Variants in AMPH observed in about 807,000 individuals in gnomAD.
AMPH encodes amphiphysin.
In AMPH, 49 loss-of-function variants were observed where a neutral mutation model predicts 99.1. That is an observed-to-expected ratio of 0.49 (90% confidence interval 0.39 to 0.63). The LOEUF (loss-of-function observed/expected upper bound fraction) is 0.63, where lower values mean the gene tolerates loss of function less well. Among genes scored for constraint, AMPH ranks in the 20% least tolerant of loss-of-function variants. AMPH has a pLI of 0.00. For missense variants in AMPH, 759 were observed against 863.4 expected (o/e 0.88, Z 1.52); for synonymous variants, 314 against 317.3 (o/e 0.99, Z 0.11).
chr7:38,623,505 G>GA (rs1030919376), intron 1 of AMPH, among the ~76,000 whole-genome samples: 3 of 152,158 alleles, frequency 2.0e-5, no homozygotes, highest in African/African-American at 7.2e-5. Flanking sequence ...TACAGCCAGA[G>GA]AAAATAACCC....
intron 6 of AMPH, among the ~76,000 whole-genome samples, chr7:38,475,787 G>C (rs1283498782): frequency 6.6e-6 from 1 of 152,184 alleles, no homozygotes. Context: ...ATTTACAAAA[G>C]GGACTTACAA....
chr7:38,595,182 G>C (rs1793008059), intron 1 of AMPH, among the ~76,000 whole-genome samples: 1 of 152,106 alleles, frequency 6.6e-6, no homozygotes, highest in Non-Finnish European at 1.5e-5. Context: ...CCTGCTTTGG[G>C]GACACAAGCA....
chr7:38,488,630 T>C (rs1193726217), intron 5 of AMPH, among the ~76,000 whole-genome samples: 1 of 152,158 alleles, frequency 6.6e-6, no homozygotes, highest in Non-Finnish European at 1.5e-5. Flanking sequence ...GTAACAAACC[T>C]GCACATTCTG....
chr7:38,508,904 CTTGA>C (rs1789434147), intron 2 of AMPH, among the ~76,000 whole-genome samples: 3 of 152,142 alleles, frequency 2.0e-5, no homozygotes, highest in Admixed American at 1.3e-4. Flanking sequence ...TAATCAGCAC[CTTGA>C]TTAACAGATG....
In AMPH at chr7:38,625,516, T is replaced by A. The variant is rs572938042; in HGVS notation, c.69+5767A>T. ...ACTGCCACTCATCAAAGGGTACCAC[T>A]AAGAAAGTAAAAAAGCAAGGCACTG... On this transcript the variant is annotated intron_variant, in intron 1 of 20. Coordinates refer to ENST00000356264, the MANE Select transcript of AMPH (RefSeq NM_001635.4). Among the ~76,000 whole-genome samples the A allele has an allele frequency of 2.6e-5, 4 of 152,178 alleles. No homozygotes were observed. The South Asian group carries it at 8.3e-4, about 32-fold the overall frequency.
chr7:38,532,889 C>T (rs1330517755), intron 2 of AMPH, among the ~76,000 whole-genome samples: 1 of 152,160 alleles, frequency 6.6e-6, no homozygotes, highest in African/African-American at 2.4e-5. Context: ...GAGAAAAACT[C>T]CAAGAGCAAA....
At chr7:38,624,497 C>A (rs549183531) in intron 1 of AMPH, among the ~76,000 whole-genome samples, 2 of 150,548 alleles carry the variant, frequency 1.3e-5, no homozygotes, top group Non-Finnish European at 2.9e-5. Context: ...CCGGTTCAAG[C>A]GATTCTTCTG....
chr7:38,518,967 C>T lies in AMPH; in HGVS notation c.151-15263G>A, dbSNP rs371573309. 1.2e-4 allele frequency among the ~76,000 whole-genome samples: 18 copies of T among 152,300 alleles called. No individual in the cohort carries two copies. In the South Asian group the frequency reaches 3.1e-3, roughly 26 times the overall value. On this transcript the variant is annotated intron_variant, in intron 2 of 20. Transcript: ENST00000356264. ...ATCTTTAAGAGATGATTAGGTCATG[C>T]GGGTTTCACGCTCATAAATGGATTA...
At chr7:38,504,481 T>C (rs1275597136) in intron 2 of AMPH, among the ~76,000 whole-genome samples, 4 of 152,068 alleles carry the variant, frequency 2.6e-5, no homozygotes, top group Non-Finnish European at 5.9e-5. Context: ...AGTAGAGAAG[T>C]GAGGCAGAGA....
chr7:38,384,727 T>C lies in AMPH; in HGVS notation c.*91A>G, dbSNP rs2810. ...TTGTCTGGCATCAGTCTGTAAATCA[T>C]TAAGAGCATAATAACAAAAGTGAAC... On this transcript the variant is annotated 3_prime_UTR_variant, in exon 21 of 21. Coordinates refer to ENST00000356264, the MANE Select transcript of AMPH (RefSeq NM_001635.4). 95,784 of 1,055,172 alleles carry C rather than the reference T, an allele frequency of 0.091. 4,952 individuals are homozygous for C. The highest frequency in any genetic ancestry group is 0.13 in the Middle Eastern group (623 of 4,668). 65.4% of individuals were successfully genotyped at this position (1,055,172 alleles called of 1,614,324 possible).
intron 5 of AMPH, among the ~76,000 whole-genome samples, chr7:38,488,196 C>A (rs922282007): frequency 1.1e-4 from 16 of 152,086 alleles, no homozygotes; most frequent in African/African-American, 3.1e-4. Flanking sequence ...AGGATTATAA[C>A]TCATTCTACA....
chr7:38,516,924 C>T (rs1789768607), intron 2 of AMPH, among the ~76,000 whole-genome samples: 1 of 152,192 alleles, frequency 6.6e-6, no homozygotes, highest in Non-Finnish European at 1.5e-5. Flanking sequence ...GGGTTTCAGA[C>T]TTGCATGGGG....
intron 1 of AMPH, among the ~76,000 whole-genome samples, chr7:38,630,856 C>T (rs1363217232): frequency 6.6e-6 from 1 of 152,362 alleles, no homozygotes; most frequent in East Asian, 1.9e-4. Context: ...GATCTGCGGG[C>T]CGCGTCCCCG....
chr7:38,624,441 C>T (rs1794175538), intron 1 of AMPH, among the ~76,000 whole-genome samples: 1 of 151,864 alleles, frequency 6.6e-6, no homozygotes, highest in African/African-American at 2.4e-5. Flanking sequence ...GTCGCCCAGG[C>T]TGCAGTGCAG....
intron 1 of AMPH, among the ~76,000 whole-genome samples, chr7:38,610,771 T>C (rs28510981): frequency 6.6e-5 from 10 of 152,066 alleles, no homozygotes; most frequent in Admixed American, 5.2e-4. Context: ...TAAAAAGGAA[T>C]GTAAAACATT....
intron 2 of AMPH, among the ~76,000 whole-genome samples, chr7:38,528,678 C>T (rs2129037819): frequency 6.6e-6 from 1 of 151,998 alleles, no homozygotes; most frequent in South Asian, 2.1e-4. Flanking sequence ...AAGAATCAGA[C>T]TTTTGTTTCA....
chr7:38,453,427 T>G (rs1584111873), intron 11 of AMPH, among the ~76,000 whole-genome samples: 1 of 152,146 alleles, frequency 6.6e-6, no homozygotes, highest in Non-Finnish European at 1.5e-5. Flanking sequence ...TGGAACATGC[T>G]TCTGTTTGGA....
At chr7:38,468,071 A>G (rs1181969242) in intron 7 of AMPH, among the ~76,000 whole-genome samples, 2 of 152,188 alleles carry the variant, frequency 1.3e-5, no homozygotes, top group African/African-American at 2.4e-5. Flanking sequence ...GATTTCTTGA[A>G]GGTATTTGCT....
intron 1 of AMPH, among the ~76,000 whole-genome samples, chr7:38,598,558 T>C (rs1476272553): frequency 6.6e-6 from 1 of 152,180 alleles, no homozygotes; most frequent in Non-Finnish European, 1.5e-5. Context: ...TGCCTCGGGC[T>C]CCCAAAGTGC....
Sources: allele counts gnomAD v4.1 joint callset (sites outside exome capture counted in the v4.1 genomes callset), GRCh38; gene constraint gnomAD v4.1.1; transcripts MANE v1.5; gene names NCBI Gene and HGNC (gene_info 2026-07-23, HGNC 2026-07-21).